Variants in EPM2A observed in about 807,000 individuals in gnomAD.
EPM2A encodes laforin.
EPM2A carries 21 observed loss-of-function variants against 26.5 expected under a neutral mutation model. That is an observed-to-expected ratio of 0.79 (90% CI 0.56 to 1.14). The LOEUF is 1.14. EPM2A is among the 50% of genes most tolerant of loss of function. EPM2A has a pLI of 0.00. For missense variants in EPM2A, 458 were observed against 440.8 expected (o/e 1.04, Z -0.35); for synonymous variants, 217 against 177.6 (o/e 1.22, Z -1.76).
chr6:145,529,630 G>C (rs186701553), intron 2 of EPM2A, among the ~76,000 whole-genome samples: 1 of 152,290 alleles, frequency 6.6e-6, no homozygotes, highest in Non-Finnish European at 1.5e-5. Flanking sequence ...ACCAAAAACT[G>C]TGTGTGACTC....
intron 1 of EPM2A, among the ~76,000 whole-genome samples, chr6:145,694,786 C>T (rs985789585): frequency 6.6e-6 from 1 of 151,908 alleles, no homozygotes; most frequent in Non-Finnish European, 1.5e-5. Context: ...CTCTCTTCTC[C>T]TCCTCCCCAA....
intron 4 of EPM2A, among the ~76,000 whole-genome samples, chr6:145,452,105 A>C (rs906108673): frequency 6.6e-6 from 1 of 152,150 alleles, no homozygotes; most frequent in Non-Finnish European, 1.5e-5. Context: ...GTTGCCTGCC[A>C]GGCGGTTCCT....
At chr6:145,525,140 G>T (rs1247524212) in intron 2 of EPM2A, among the ~76,000 whole-genome samples, 1 of 151,936 alleles carries the variant, frequency 6.6e-6, no homozygotes, top group East Asian at 1.9e-4. Flanking sequence ...GCCTGTTTTT[G>T]TACCAATACC....
intron 4 of EPM2A, among the ~76,000 whole-genome samples, chr6:145,442,070 G>A (rs947552122): frequency 4.6e-5 from 7 of 152,066 alleles, no homozygotes; most frequent in South Asian, 2.1e-4. Flanking sequence ...CTTTGCTCTC[G>A]TTCCCAACAA....
intron 2 of EPM2A, among the ~76,000 whole-genome samples, chr6:145,559,245 C>T (rs1780772715): frequency 6.6e-6 from 1 of 152,070 alleles, no homozygotes; most frequent in Non-Finnish European, 1.5e-5. Context: ...AGAAGGTGAA[C>T]AGGCAATGCC....
At chr6:145,621,126 C>T (rs1582903432), downstream of EPM2A, among the ~76,000 whole-genome samples, 2 of 152,168 alleles carry the variant, frequency 1.3e-5, no homozygotes, top group Admixed American at 1.3e-4. Context: ...CTGGTAACTA[C>T]CATTTTATTC....
rs117059493 is a variant in EPM2A at position 145,724,595 on chromosome 6, A to G, written c.301+10603T>C. ...AACAAAGTTGGAAGATTCACACTAC[A>G]CTATTTCAAGATTAGTATAAACCTA... On this transcript the variant is annotated intron_variant, in intron 1 of 3. Transcript: ENST00000367519. 9.9e-3 allele frequency among the ~76,000 whole-genome samples: 1,512 copies of G among 152,242 alleles called. 11 individuals carry two copies. Among genetic ancestry groups the G allele is most frequent in the Admixed American group, 0.017 (264 of 15,286 alleles).
Position 145,600,300 on chromosome 6 carries a change from T to G in EPM2A, c.340+34945A>C, listed in dbSNP as rs188979246. On this transcript the variant is annotated intron_variant, in intron 2 of 3. Transcript: ENST00000450221. Reference sequence around the variant, plus strand: ...CCCTGCAAGGTTTCTAACAGAGTTCTTGGTACCATCCCTACCTAGTTCTCT... The same window carrying G: ...CCCTGCAAGGTTTCTAACAGAGTTCGTGGTACCATCCCTACCTAGTTCTCT... Among the ~76,000 whole-genome samples, 3 of 152,314 alleles carry G rather than the reference T, an allele frequency of 2.0e-5. No homozygotes were observed. In the East Asian group the frequency reaches 5.8e-4, roughly 29 times the overall value.
chr6:145,484,309 C>T (rs1476509086), intron 4 of EPM2A, among the ~76,000 whole-genome samples: 1 of 151,856 alleles, frequency 6.6e-6, no homozygotes, highest in East Asian at 1.9e-4. Context: ...AAGGTATACT[C>T]ATGATTTTCT....
At chr6:145,456,078 A>T (rs1458561082) in intron 4 of EPM2A, among the ~76,000 whole-genome samples, 1 of 152,182 alleles carries the variant, frequency 6.6e-6, no homozygotes, top group Non-Finnish European at 1.5e-5. Context: ...TATTGTATGT[A>T]AATGTGCACA....
intron 4 of EPM2A, among the ~76,000 whole-genome samples, chr6:145,496,370 C>A (rs560507153): frequency 6.6e-6 from 1 of 152,224 alleles, no homozygotes; most frequent in African/African-American, 2.4e-5. Flanking sequence ...TGAATCTTGG[C>A]CTGTCTAGCT....
chr6:145,466,835 C>T (rs1008030574), intron 4 of EPM2A, among the ~76,000 whole-genome samples: 20 of 152,242 alleles, frequency 1.3e-4, no homozygotes, highest in African/African-American at 4.6e-4. Flanking sequence ...GAGTTCATGT[C>T]CTTTGTAGGG....
At chr6:145,653,984 G>C (rs897385788) in intron 2 of EPM2A, among the ~76,000 whole-genome samples, 13 of 152,106 alleles carry the variant, frequency 8.5e-5, no homozygotes, top group Admixed American at 6.5e-4. Flanking sequence ...ATCTTGTCTA[G>C]ATTTATTTAA....
At chr6:145,659,744 T>C (rs565648648) in intron 2 of EPM2A, among the ~76,000 whole-genome samples, 132 of 152,340 alleles carry the variant, frequency 8.7e-4, no homozygotes, top group African/African-American at 3.1e-3. Flanking sequence ...TAGTGAACTG[T>C]AACCTAACTG....
chr6:145,599,267 T>C (rs970175478), intron 2 of EPM2A, among the ~76,000 whole-genome samples: 1 of 152,170 alleles, frequency 6.6e-6, no homozygotes, highest in Admixed American at 6.5e-5. Context: ...CTCTCAGTTT[T>C]GAATAATTTT....
chr6:145,476,015 G>T (rs1485147853), intron 4 of EPM2A, among the ~76,000 whole-genome samples: 1 of 151,894 alleles, frequency 6.6e-6, no homozygotes, highest in Non-Finnish European at 1.5e-5. Context: ...AAGAGCCATT[G>T]ATACAAGAAA....
chr6:145,635,510 C>G (rs771525440), intron 2 of EPM2A, 24 bp from the exon 3 acceptor site: 7 of 1,613,018 alleles, frequency 4.3e-6, no homozygotes, highest in Non-Finnish European at 5.9e-6. Flanking sequence ...ATGGAGACAA[C>G]TATCACTAGT....
intron 1 of EPM2A, among the ~76,000 whole-genome samples, chr6:145,694,336 A>G (rs1254282020): frequency 2.0e-5 from 3 of 152,062 alleles, no homozygotes; most frequent in Non-Finnish European, 4.4e-5. Flanking sequence ...TATAGTCATT[A>G]CAAACTCTTC....
chr6:145,428,620 G>A (rs1256318968), intron 4 of EPM2A, among the ~76,000 whole-genome samples: 1 of 152,142 alleles, frequency 6.6e-6, no homozygotes, highest in East Asian at 1.9e-4. Flanking sequence ...AGTTTATAAT[G>A]CATACATACT....
Sources: gnomAD v4.1 joint callset for allele counts (sites outside exome capture counted in the v4.1 genomes callset) on GRCh38, gnomAD v4.1.1 for gene constraint, MANE v1.5 for transcripts, NCBI Gene and HGNC (gene_info 2026-07-23, HGNC 2026-07-21) for gene names.